TMEM132B: variants seen among roughly 807,000 people sequenced by gnomAD.
TMEM132B encodes the protein transmembrane protein 132B.
A neutral mutation model predicts 90.8 loss-of-function variants in TMEM132B; 18 were observed. The observed-to-expected ratio is 0.20, with a 90% CI of 0.14 to 0.29. The LOEUF (loss-of-function observed/expected upper bound fraction) is 0.29, where lower values mean the gene tolerates loss of function less well. Among genes scored for constraint, TMEM132B ranks in the 10% least tolerant of loss-of-function variants. The probability of loss-of-function intolerance (pLI) is 1.00; values close to 1 mark genes in which losing one functional copy is unlikely to be tolerated. For synonymous variants in TMEM132B, 504 were observed against 523.3 expected (o/e 0.96, Z 0.50); for missense variants, 1,096 against 1,326.8 (o/e 0.83, Z 2.70).
chr12:125,624,541 A>ATT (rs1362341677), intron 5 of TMEM132B, among the ~76,000 whole-genome samples: 1 of 152,102 alleles, frequency 6.6e-6, no homozygotes, highest in Non-Finnish European at 1.5e-5. Flanking sequence ...GTGACTGGGG[A>ATT]TTCCTCAAGC....
chr12:125,273,118 C>G (rs1036197496), intron 1 of TMEM132B, among the ~76,000 whole-genome samples: 1 of 152,150 alleles, frequency 6.6e-6, no homozygotes, highest in Admixed American at 6.5e-5. Context: ...CATGTACCTA[C>G]TACTTAGTTA....
rs554504714 is a variant in TMEM132B at position 125,519,569 on chromosome 12, G to A, written c.1237G>A (p.Val413Ile). ...TGAGGACTCCATGAGTGAGCTGGTC[G>A]TCTCCGAGATCTTCGTCAGCCAGAC... ...PIEDSMSELV[V>I]SEIFVSQTTF... Residue 413 changes from valine (V) to isoleucine (I), a missense_variant, in exon 4 of 9, where the codon GTC (valine) becomes ATC (isoleucine). Transcript: ENST00000682704. 5.0e-5 allele frequency: 81 copies of A among 1,614,070 alleles called. No homozygotes were observed. In the African/African-American group the frequency reaches 7.1e-4, roughly 14 times the overall value.
At chr12:125,256,727 A>C (rs1170816170) in intron 1 of TMEM132B, among the ~76,000 whole-genome samples, 3 of 152,220 alleles carry the variant, frequency 2.0e-5, no homozygotes, top group Non-Finnish European at 4.4e-5. Context: ...AGTTGCAAAA[A>C]CCGCAATTAC....
At chr12:125,441,739 C>T (rs1440783612) in intron 3 of TMEM132B, among the ~76,000 whole-genome samples, 5 of 152,198 alleles carry the variant, frequency 3.3e-5, no homozygotes, top group African/African-American at 1.2e-4. Context: ...TCAGTGGTGG[C>T]TCTTCCATCT....
At chr12:125,217,748 C>G (rs1365351431) in intron 1 of TMEM132B, among the ~76,000 whole-genome samples, 1 of 152,344 alleles carries the variant, frequency 6.6e-6, no homozygotes, top group East Asian at 1.9e-4. Context: ...GCTACCACGC[C>G]TGGCCTTCCT....
chr12:125,364,279 G>A (rs1013124187), intron 2 of TMEM132B, among the ~76,000 whole-genome samples: 2 of 151,828 alleles, frequency 1.3e-5, no homozygotes, highest in African/African-American at 4.8e-5. Flanking sequence ...TTTACATATT[G>A]GAAATATTTT....
chr12:125,464,401 A>G (rs1417302652), intron 3 of TMEM132B, among the ~76,000 whole-genome samples: 1 of 152,012 alleles, frequency 6.6e-6, no homozygotes, highest in Non-Finnish European at 1.5e-5. Context: ...GGGTGTGCCT[A>G]TATCTGGTTT....
chr12:125,391,916 A>G (rs1879034986), intron 2 of TMEM132B, among the ~76,000 whole-genome samples: 1 of 151,752 alleles, frequency 6.6e-6, no homozygotes. Flanking sequence ...ACAGGCACAC[A>G]CCACCACACC....
intron 4 of TMEM132B, among the ~76,000 whole-genome samples, chr12:125,565,564 G>T (rs1884640136): frequency 6.6e-6 from 1 of 152,200 alleles, no homozygotes; most frequent in Non-Finnish European, 1.5e-5. Context: ...GAATGTGAGG[G>T]TTTTATTGAG....
intron 6 of TMEM132B, among the ~76,000 whole-genome samples, chr12:125,649,346 T>C (rs1886848918): frequency 6.6e-6 from 1 of 152,206 alleles, no homozygotes; most frequent in Non-Finnish European, 1.5e-5. Context: ...AAGAACATGT[T>C]TCATAGCTGT....
At chr12:125,530,628 G>T (rs73220923) in intron 4 of TMEM132B, among the ~76,000 whole-genome samples, 6,140 of 152,276 alleles carry the variant, frequency 0.04, 165 homozygotes, top group Non-Finnish European at 0.061. Flanking sequence ...TCCCTCTGAC[G>T]CCTCCAGGGA....
chr12:125,366,473 A>G, intron 2 of TMEM132B, among the ~76,000 whole-genome samples: 1 of 152,018 alleles, frequency 6.6e-6, no homozygotes, highest in East Asian at 1.9e-4. Context: ...CTGGGGTGAG[A>G]TGGTGAGATG....
intron 4 of TMEM132B, among the ~76,000 whole-genome samples, chr12:125,580,191 A>C (rs1348415748): frequency 6.6e-6 from 1 of 152,194 alleles, no homozygotes. Flanking sequence ...CACAGCCCTA[A>C]GTATGATTAT....
chr12:125,472,753 C>A (rs979960658), intron 3 of TMEM132B, among the ~76,000 whole-genome samples: 1 of 152,144 alleles, frequency 6.6e-6, no homozygotes, highest in African/African-American at 2.4e-5. Flanking sequence ...GAAGGCACCA[C>A]CTGTGAGGAA....
intron 1 of TMEM132B, among the ~76,000 whole-genome samples, chr12:125,311,114 G>A (rs1876113017): frequency 6.6e-6 from 1 of 152,120 alleles, no homozygotes; most frequent in South Asian, 2.1e-4. Flanking sequence ...ACAAAAGGTG[G>A]GTGTGTACTG....
chr12:125,534,360 T>C (rs1187474826), intron 4 of TMEM132B, among the ~76,000 whole-genome samples: 1 of 152,164 alleles, frequency 6.6e-6, no homozygotes, highest in African/African-American at 2.4e-5. Flanking sequence ...TCTACAAACA[T>C]TTAAAAATTG....
intron 5 of TMEM132B, among the ~76,000 whole-genome samples, chr12:125,588,677 T>A (rs1483300432): frequency 6.6e-6 from 1 of 152,120 alleles, no homozygotes; most frequent in Non-Finnish European, 1.5e-5. Context: ...TTTAAAAAAA[T>A]GTTTTCCTGG....
intron 5 of TMEM132B, among the ~76,000 whole-genome samples, chr12:125,621,719 GAGTCTGTGGGGAACCAGCAAA>G (rs1044214232): frequency 2.0e-5 from 3 of 152,180 alleles, no homozygotes; most frequent in African/African-American, 7.2e-5. Flanking sequence ...ACCTCTGGTA[GAGTCTGTGGGGAACCAGCAAA>G]AGTTTTTAAT....
intron 2 of TMEM132B, among the ~76,000 whole-genome samples, chr12:125,355,769 C>A (rs984694590): frequency 6.6e-6 from 1 of 152,144 alleles, no homozygotes; most frequent in Admixed American, 6.5e-5. Context: ...ACAAGATTTG[C>A]TGAGATCGAA....
Sources: gnomAD v4.1 joint callset for allele counts (sites outside exome capture counted in the v4.1 genomes callset) on GRCh38, gnomAD v4.1.1 for gene constraint, MANE v1.5 for transcripts, NCBI Gene and HGNC (gene_info 2026-07-23, HGNC 2026-07-21) for gene names.